The following CNTNAP5 variants were observed in gnomAD, a reference collection of about 807,000 sequenced individuals.
CNTNAP5 encodes contactin-associated protein-like 5.
A neutral mutation model predicts 150.2 loss-of-function variants in CNTNAP5; 72 were observed. The ratio of observed to expected loss-of-function variants is 0.48; its 90% confidence interval spans 0.40 to 0.58. The LOEUF is 0.58. CNTNAP5 is among the 20% of genes least tolerant of loss of function. The pLI is 0.00. For missense variants in CNTNAP5, 1,636 were observed against 1,626.2 expected (o/e 1.01, Z -0.10); for synonymous variants, 672 against 619.8 (o/e 1.08, Z -1.25).
intron 14 of CNTNAP5, among the ~76,000 whole-genome samples, chr2:124,750,128 C>T (rs1391928879): frequency 6.6e-6 from 1 of 152,144 alleles, no homozygotes; most frequent in African/African-American, 2.4e-5. Context: ...CTTTCCATTT[C>T]CTTTAGAGCC....
intron 3 of CNTNAP5, among the ~76,000 whole-genome samples, chr2:124,276,548 A>G (rs1319061670): frequency 6.6e-6 from 1 of 152,118 alleles, no homozygotes; most frequent in African/African-American, 2.4e-5. Flanking sequence ...GATGAGCCCA[A>G]TCCAAGGAGT....
At chr2:124,861,776 C>T (rs1677529181) in intron 19 of CNTNAP5, among the ~76,000 whole-genome samples, 1 of 152,032 alleles carries the variant, frequency 6.6e-6, no homozygotes, top group African/African-American at 2.4e-5. Context: ...CCAGAAGCAA[C>T]TAAGGCTCAA....
intron 1 of CNTNAP5, among the ~76,000 whole-genome samples, chr2:124,184,985 T>G (rs1461808217): frequency 6.6e-6 from 1 of 152,182 alleles, no homozygotes; most frequent in African/African-American, 2.4e-5. Flanking sequence ...TGCCCCATAT[T>G]CGTGTTTGTA....
chr2:124,423,652 CTTTTTTTTTTTTTTTT>C (rs1187961580), intron 4 of CNTNAP5, among the ~76,000 whole-genome samples: 4 of 41,594 alleles, frequency 9.6e-5, no homozygotes, highest in Non-Finnish European at 1.2e-4. Context: ...GGCTAATTAA[CTTTTTTTTTTTTTTTT>C]TTTTTTTTTT....
intron 17 of CNTNAP5, among the ~76,000 whole-genome samples, chr2:124,774,605 A>G (rs1050617055): frequency 6.6e-6 from 1 of 152,216 alleles, no homozygotes; most frequent in Non-Finnish European, 1.5e-5. Context: ...TAAACATCAC[A>G]TTTTGATGGG....
intron 17 of CNTNAP5, among the ~76,000 whole-genome samples, chr2:124,773,917 T>C (rs1242803093): frequency 7.7e-6 from 1 of 129,276 alleles, no homozygotes; most frequent in South Asian, 2.4e-4. Context: ...TGCGTGTGTG[T>C]GTGTGTGTGT....
intron 19 of CNTNAP5, among the ~76,000 whole-genome samples, chr2:124,829,474 T>C (rs1375141355): frequency 2.0e-5 from 3 of 152,192 alleles, no homozygotes; most frequent in Non-Finnish European, 2.9e-5. Flanking sequence ...TAGCATAATC[T>C]GATTTTCTTT....
chr2:124,850,798 T>C (rs1026310189), intron 19 of CNTNAP5, among the ~76,000 whole-genome samples: 6 of 151,730 alleles, frequency 4.0e-5, no homozygotes, highest in Non-Finnish European at 7.4e-5. Context: ...TATTAGGAAA[T>C]TGAAGCATTT....
intron 1 of CNTNAP5, among the ~76,000 whole-genome samples, chr2:124,188,538 A>T (rs989700482): frequency 3.2e-4 from 48 of 151,896 alleles, no homozygotes; most frequent in Non-Finnish European, 4.7e-4. Flanking sequence ...GTGAACATGG[A>T]GAAACCCCGT....
intron 13 of CNTNAP5, among the ~76,000 whole-genome samples, chr2:124,683,127 T>A (rs1171303289): frequency 2.0e-5 from 3 of 152,196 alleles, no homozygotes; most frequent in African/African-American, 7.2e-5. Flanking sequence ...CTCCTGTTAA[T>A]CTCAATTATT....
At chr2:124,795,753 G>A (rs1448432489) in intron 18 of CNTNAP5, among the ~76,000 whole-genome samples, 1 of 152,128 alleles carries the variant, frequency 6.6e-6, no homozygotes, top group Non-Finnish European at 1.5e-5. Context: ...CTGACCTCGG[G>A]TGATCCACCT....
rs116008194 is a variant in CNTNAP5, at chr2:124,614,351, T to C, written c.1876+4431T>C. Among the ~76,000 whole-genome samples, 1,380 of 152,224 alleles carry C rather than the reference T, an allele frequency of 9.1e-3. 26 individuals carry two copies. Among genetic ancestry groups the C allele is most frequent in the African/African-American group, 0.032 (1,310 of 41,534 alleles). ...TCTTGGACTTCACTCAAGAAAGAAT[T>C]TGGGGAGAGTCTATACAGTAAAGTT... On this transcript the variant is annotated intron_variant, in intron 12 of 23. Transcript: ENST00000682447.
At position 124,080,600 on chromosome 2, in the gene CNTNAP5, T is replaced by C. The variant is rs72844498; in HGVS notation, c.82+54868T>C. On this transcript the variant is annotated intron_variant, in intron 1 of 23. Transcript: ENST00000682447. ...ACACTGAAAATCATTTCCAATTGCA[T>C]TGGGCCAATTGCATAGAAAACACTG... Among the ~76,000 whole-genome samples the C allele has an allele frequency of 5.3e-3, 800 of 152,304 alleles. 4 individuals are homozygous for C. The highest frequency in any genetic ancestry group is 7.6e-3 in the Non-Finnish European group (520 of 68,016).
chr2:124,262,733 T>G (rs1468368466), intron 3 of CNTNAP5, among the ~76,000 whole-genome samples: 1 of 151,990 alleles, frequency 6.6e-6, no homozygotes. Flanking sequence ...ATGTGCCATG[T>G]TGGTGTGCTG....
chr2:124,797,822 G>A (rs951643786), intron 18 of CNTNAP5, among the ~76,000 whole-genome samples: 10 of 152,322 alleles, frequency 6.6e-5, no homozygotes, highest in East Asian at 1.9e-4. Context: ...ATGTAGAGCT[G>A]GACTTAAACC....
At chr2:124,203,298 A>T (rs745418162) in intron 1 of CNTNAP5, among the ~76,000 whole-genome samples, 1 of 152,104 alleles carries the variant, frequency 6.6e-6, no homozygotes, top group African/African-American at 2.4e-5. Flanking sequence ...GGTCTTTGGC[A>T]GCTCCACCCC....
chr2:124,155,646 C>T (rs960376866), intron 1 of CNTNAP5, among the ~76,000 whole-genome samples: 4 of 152,014 alleles, frequency 2.6e-5, no homozygotes, highest in Non-Finnish European at 1.5e-5. Context: ...GTTTGAACAC[C>T]TCAGCTCTTG....
intron 10 of CNTNAP5, among the ~76,000 whole-genome samples, chr2:124,551,903 C>T (rs1017957877): frequency 4.6e-5 from 7 of 151,942 alleles, no homozygotes; most frequent in South Asian, 2.1e-4. Flanking sequence ...ATCTTTTAAG[C>T]GATGATTTTC....
intron 21 of CNTNAP5, among the ~76,000 whole-genome samples, chr2:124,877,535 A>G (rs1475957844): frequency 1.3e-5 from 2 of 152,118 alleles, no homozygotes; most frequent in African/African-American, 4.8e-5. Context: ...CATTGATATA[A>G]ACTTCAAATT....
Sources: allele counts gnomAD v4.1 joint callset (sites outside exome capture counted in the v4.1 genomes callset), GRCh38; gene constraint gnomAD v4.1.1; transcripts MANE v1.5; gene names NCBI Gene and HGNC (gene_info 2026-07-23, HGNC 2026-07-21).